Variants in GSDMC observed in about 807,000 individuals in gnomAD.
GSDMC encodes gasdermin-C.
GSDMC carries 59 observed loss-of-function variants against 58.0 expected under a neutral mutation model. The ratio of observed to expected loss-of-function variants is 1.02; its 90% CI spans 0.82 to 1.26. GSDMC has a LOEUF of 1.26. GSDMC is among the 50% of genes most tolerant of loss of function. The pLI, the probability that GSDMC is intolerant of heterozygous loss-of-function variation, is 0.00. For synonymous variants in GSDMC, 241 were observed against 220.2 expected, an observed-to-expected ratio of 1.09 and a Z score of -0.83; for missense variants, 659 against 598.5, an observed-to-expected ratio of 1.10 and a Z score of -1.06.
At chr8:129,710,655 A>C in the GSDMC span, among the ~76,000 whole-genome samples, 1,375 of 152,350 alleles carry the variant, frequency 9.0e-3, 14 homozygotes, top group African/African-American at 0.032. Context: ...AAGAGTCAGC[A>C]GCAGGCATAC....
At position 129,749,542 on chromosome 8, in the gene GSDMC, T is replaced by G. The variant is rs777420237; in HGVS notation, c.1214-17A>C. ...CACTCAGCACTGAGGGTGGGGGACATGTGGGGAAAGACAGTAGTGAAGAAT... is the reference window on the plus strand; with the variant it reads ...CACTCAGCACTGAGGGTGGGGGACAGGTGGGGAAAGACAGTAGTGAAGAAT... On this transcript the variant is annotated splice_polypyrimidine_tract_variant and intron_variant, in intron 12 of 13. Coordinates refer to ENST00000276708, the MANE Select transcript of GSDMC (RefSeq NM_031415.3). The G allele has an allele frequency of 3.7e-6, 6 of 1,603,394 alleles. No individual in the cohort carries two copies. The highest frequency in any genetic ancestry group is 1.7e-4 in the Middle Eastern group (1 of 6,056).
At chr8:129,767,908 A>G (rs2033922318) in intron 3 of GSDMC, among the ~76,000 whole-genome samples, 1 of 152,174 alleles carries the variant, frequency 6.6e-6, no homozygotes, top group Non-Finnish European at 1.5e-5. Flanking sequence ...CAACAGTACC[A>G]CAAGGAGCAC....
At chr8:129,731,948 T>C in the GSDMC span, among the ~76,000 whole-genome samples, 10 of 152,202 alleles carry the variant, frequency 6.6e-5, no homozygotes, top group Admixed American at 2.0e-4. Context: ...TATTCTGCAG[T>C]GTCCCTCTAC....
downstream of GSDMC, among the ~76,000 whole-genome samples, chr8:129,746,607 AG>A (rs1377546792): frequency 6.6e-6 from 1 of 152,236 alleles, no homozygotes; most frequent in Non-Finnish European, 1.5e-5. Context: ...ACTGAGACAC[AG>A]GTATTGCCTG....
chr8:129,780,872 C>A (rs2034386329), intron 1 of GSDMC, among the ~76,000 whole-genome samples: 1 of 152,114 alleles, frequency 6.6e-6, no homozygotes, highest in Non-Finnish European at 1.5e-5. Flanking sequence ...AGACAAACAA[C>A]AAACAGATAA....
At chr8:129,711,995 A>G in the GSDMC span, among the ~76,000 whole-genome samples, 6 of 152,302 alleles carry the variant, frequency 3.9e-5, no homozygotes, top group East Asian at 1.2e-3. Flanking sequence ...GATGGCACAC[A>G]TCCACAGTAC....
the GSDMC span, among the ~76,000 whole-genome samples, chr8:129,740,139 T>G: frequency 6.6e-6 from 1 of 152,184 alleles, no homozygotes; most frequent in Non-Finnish European, 1.5e-5. Flanking sequence ...CTTTAGAATG[T>G]TTGGGTTTTA....
chr8:129,745,503 T>A (rs1334251024), downstream of GSDMC, among the ~76,000 whole-genome samples: 1 of 140,120 alleles, frequency 7.1e-6, no homozygotes, highest in East Asian at 2.1e-4. Flanking sequence ...AACTCAGGCA[T>A]CTTCCCGAAT....
Position 129,752,726 on chromosome 8 carries a change from G to C in GSDMC, c.816C>G (p.Ala272=), listed in dbSNP as rs147770358. 88 of 1,614,202 alleles carry C rather than the reference G, an allele frequency of 5.5e-5. No homozygotes were observed. The African/African-American group carries it at 1.1e-3, about 19-fold the overall frequency. Residue 272 remains alanine, a synonymous_variant, in exon 7 of 14, where the codon GCC becomes GCG. Coordinates refer to ENST00000276708, the MANE Select transcript of GSDMC (RefSeq NM_031415.3). The part of the protein sequence containing the change: ...FHTISPTLFN[A]SSNDMKLKPE... ...GTTTTAACTTCATATCATTGGATGA[G>C]GCATTGAAGAGGGTTGGAGAGATGG...
chr8:129,728,500 C>G, the GSDMC span, among the ~76,000 whole-genome samples: 1 of 152,240 alleles, frequency 6.6e-6, no homozygotes, highest in Non-Finnish European at 1.5e-5. Context: ...CCACTGGATT[C>G]TCCCTCAGCA....
chr8:129,765,605 C>T (rs2033827426), intron 4 of GSDMC, 23 bp downstream of exon 4: 2 of 1,595,376 alleles, frequency 1.3e-6, no homozygotes, highest in Middle Eastern at 1.7e-4. Context: ...GAATTTCAAT[C>T]CCACTTCAGG....
At chr8:129,728,966 G>A in the GSDMC span, 1 of 669,616 alleles carries the variant, frequency 1.5e-6, no homozygotes, top group Admixed American at 2.0e-5. Flanking sequence ...TGCTGAACGA[G>A]AAGGAGCAGG....
chr8:129,785,360 A>G (rs78704508), intron 1 of GSDMC, among the ~76,000 whole-genome samples: 2,904 of 149,230 alleles, frequency 0.019, 83 homozygotes, highest in African/African-American at 0.064. Flanking sequence ...TTATGGAGAT[A>G]GAGTAAAATG....
At chr8:129,728,900 A>AG in the GSDMC span, 1 of 660,238 alleles carries the variant, frequency 1.5e-6, no homozygotes, top group Non-Finnish European at 2.9e-6. Flanking sequence ...AGCACCAGGC[A>AG]GGGTCTGAAG....
At chr8:129,769,905 A>C (rs1272261433) in intron 3 of GSDMC, among the ~76,000 whole-genome samples, 1 of 152,124 alleles carries the variant, frequency 6.6e-6, no homozygotes, top group Non-Finnish European at 1.5e-5. Context: ...GGAGTTCTTC[A>C]AGTTGAAATG....
chr8:129,711,682 A>T, the GSDMC span, among the ~76,000 whole-genome samples: 2 of 152,238 alleles, frequency 1.3e-5, no homozygotes, highest in Admixed American at 1.3e-4. Context: ...CTGCAAGCCC[A>T]GTTCTGCCAC....
Position 129,752,795 on chromosome 8 carries a change from G to A in GSDMC, c.747C>T (p.Gly249=). The part of the protein sequence containing the change: ...QDEYEISEMV[G]YCAARSEGLL... ...ACCCCTCACTCCTCGCAGCACAGTA[G>A]CCTACCATTTCGGAAATTTCGTACT... Residue 249 remains glycine, a synonymous_variant, in exon 7 of 14, where the codon GGC becomes GGT. Transcript: ENST00000276708. The A allele has an allele frequency of 6.2e-7, 1 of 1,614,168 alleles. No individual in the cohort carries two copies. The highest frequency in any genetic ancestry group is 8.5e-7 in the Non-Finnish European group (1 of 1,180,016).
intron 6 of GSDMC, among the ~76,000 whole-genome samples, chr8:129,757,186 G>A (rs1003581558): frequency 2.6e-5 from 4 of 151,274 alleles, no homozygotes; most frequent in Non-Finnish European, 5.9e-5. Flanking sequence ...AAATGGAGAG[G>A]ACGCAAATAA....
At chr8:129,720,382 C>T in the GSDMC span, among the ~76,000 whole-genome samples, 2 of 152,138 alleles carry the variant, frequency 1.3e-5, no homozygotes, top group Admixed American at 1.3e-4. Flanking sequence ...CAAAAAGTTT[C>T]TTTTTTTGTC....
Sources: allele counts gnomAD v4.1 joint callset (sites outside exome capture counted in the v4.1 genomes callset), GRCh38; gene constraint gnomAD v4.1.1; transcripts MANE v1.5; gene names NCBI Gene and HGNC (gene_info 2026-07-23, HGNC 2026-07-21).